Variants in CDH12 observed in about 807,000 individuals in gnomAD.
The protein encoded by CDH12 is cadherin 12.
In CDH12, 41 loss-of-function variants were observed where a neutral mutation model predicts 74.1. The ratio of observed to expected loss-of-function variants is 0.55; its 90% confidence interval spans 0.43 to 0.72. The LOEUF (loss-of-function observed/expected upper bound fraction) is 0.72. Among genes scored for constraint, CDH12 ranks in the 30% least tolerant of loss-of-function variants. The pLI is 0.00. For synonymous variants in CDH12, 399 were observed against 355.0 expected, an observed-to-expected ratio of 1.12 and a Z score of -1.39; for missense variants, 945 against 977.2, an observed-to-expected ratio of 0.97 and a Z score of 0.44.
chr5:22,434,410 T>A (rs1355407967), intron 2 of CDH12, among the ~76,000 whole-genome samples: 1 of 152,134 alleles, frequency 6.6e-6, no homozygotes, highest in East Asian at 1.9e-4. Flanking sequence ...TCCATTTCAA[T>A]TTTTTCTTGT....
chr5:22,256,067 A>G (rs541485678), intron 3 of CDH12, among the ~76,000 whole-genome samples: 1 of 152,276 alleles, frequency 6.6e-6, no homozygotes, highest in South Asian at 2.1e-4. Flanking sequence ...CAACATATAT[A>G]TGAGGAAACT....
intron 4 of CDH12, among the ~76,000 whole-genome samples, chr5:22,115,831 A>T (rs6452054): frequency 6.6e-6 from 1 of 151,332 alleles, no homozygotes; most frequent in African/African-American, 2.4e-5. Context: ...AGCTGGGACT[A>T]CAGGCACATG....
At chr5:21,888,615 A>G (rs1047477022) in intron 6 of CDH12, among the ~76,000 whole-genome samples, 2 of 152,068 alleles carry the variant, frequency 1.3e-5, no homozygotes, top group African/African-American at 4.8e-5. Context: ...GAAGTAACAT[A>G]TCTTCATAGA....
chr5:21,952,833 T>C (rs1250680917), intron 6 of CDH12, among the ~76,000 whole-genome samples: 2 of 151,168 alleles, frequency 1.3e-5, no homozygotes, highest in East Asian at 3.9e-4. Flanking sequence ...TTTACATGGG[T>C]TTTTTATTAA....
chr5:21,901,243 T>C (rs1439684986), intron 6 of CDH12, among the ~76,000 whole-genome samples: 1 of 152,166 alleles, frequency 6.6e-6, no homozygotes, highest in Non-Finnish European at 1.5e-5. Context: ...CATGTTTTTG[T>C]ATGCCTAGAA....
intron 1 of CDH12, among the ~76,000 whole-genome samples, chr5:22,587,829 G>A (rs1740484644): frequency 1.3e-5 from 2 of 150,406 alleles, no homozygotes; most frequent in South Asian, 4.2e-4. Flanking sequence ...GCATTTTATA[G>A]AGAACTTTTT....
At chr5:22,524,368 A>T (rs1737178502) in intron 1 of CDH12, among the ~76,000 whole-genome samples, 1 of 152,064 alleles carries the variant, frequency 6.6e-6, no homozygotes, top group South Asian at 2.1e-4. Flanking sequence ...GACTGCTTTT[A>T]TTTAATTCCC....
chr5:22,820,011 A>C (rs910161346), intron 1 of CDH12, among the ~76,000 whole-genome samples: 33 of 147,020 alleles, frequency 2.2e-4, no homozygotes, highest in Non-Finnish European at 1.2e-4. Context: ...ATACATATAC[A>C]TATATATACA....
At chr5:22,082,394 AC>A (rs1169834038) in intron 4 of CDH12, among the ~76,000 whole-genome samples, 5 of 152,100 alleles carry the variant, frequency 3.3e-5, no homozygotes, top group Admixed American at 3.3e-4. Context: ...AGCACTCGAT[AC>A]TGTGACAGTC....
In CDH12 at chr5:21,975,287, G is replaced by A. The variant is rs1757016352; in HGVS notation, c.330C>T (p.Asp110=). The A allele has an allele frequency of 6.3e-7, 1 of 1,596,820 alleles. No individual in the cohort carries two copies. Among genetic ancestry groups the A allele is most frequent in the Non-Finnish European group, 8.5e-7 (1 of 1,179,302 alleles). ...TATCTAGGCTCCTTATTGCATGAATGTCCCCTGTGGTTTCATCAATGGTAA... is the reference window on the plus strand; with the variant it reads ...TATCTAGGCTCCTTATTGCATGAATATCCCCTGTGGTTTCATCAATGGTAA... ...TVFTIDETTG[D]IHAIRSLDRE... is the part of the protein sequence containing the mutation. Residue 110 remains aspartate, a synonymous_variant, in exon 6 of 15, where the codon GAC becomes GAT. Transcript: ENST00000382254.
At chr5:21,994,459 C>T (rs1736152612) in intron 5 of CDH12, among the ~76,000 whole-genome samples, 1 of 152,108 alleles carries the variant, frequency 6.6e-6, no homozygotes. Context: ...CAATATTCGG[C>T]CTAAGTGACC....
At chr5:22,085,884 T>C (rs889564770) in intron 4 of CDH12, among the ~76,000 whole-genome samples, 1 of 152,196 alleles carries the variant, frequency 6.6e-6, no homozygotes, top group African/African-American at 2.4e-5. Flanking sequence ...TTTAAAGACT[T>C]CAAGCAAATC....
intron 12 of CDH12, among the ~76,000 whole-genome samples, chr5:21,762,755 A>T (rs1462662855): frequency 1.3e-5 from 2 of 152,150 alleles, no homozygotes; most frequent in East Asian, 3.8e-4. Context: ...TTATTGGACA[A>T]ACATAAAACA....
At chr5:21,794,705 T>A (rs1205540562) in intron 10 of CDH12, among the ~76,000 whole-genome samples, 2 of 151,766 alleles carry the variant, frequency 1.3e-5, no homozygotes, top group Non-Finnish European at 3.0e-5. Flanking sequence ...TTATAATATA[T>A]TTTTTAGAGG....
intron 11 of CDH12, 32 bp downstream of exon 11, chr5:21,783,326 T>C (rs369257827): frequency 1.7e-5 from 27 of 1,595,750 alleles, no homozygotes; most frequent in East Asian, 4.5e-5. Flanking sequence ...AGAACTGCAG[T>C]ATAACATTGA....
At chr5:22,775,791 TCC>T (rs2126327542) in intron 1 of CDH12, among the ~76,000 whole-genome samples, 1 of 152,218 alleles carries the variant, frequency 6.6e-6, no homozygotes, top group South Asian at 2.1e-4. Context: ...TTTGACTGTG[TCC>T]CCGCCCAGCT....
chr5:21,832,835 A>C (rs1313241322), intron 8 of CDH12, among the ~76,000 whole-genome samples: 1 of 106,212 alleles, frequency 9.4e-6, no homozygotes, highest in Non-Finnish European at 1.9e-5. Context: ...TATTATAATA[A>C]TATAAATCAT....
At chr5:22,101,385 C>A (rs1041073478) in intron 4 of CDH12, among the ~76,000 whole-genome samples, 1 of 152,168 alleles carries the variant, frequency 6.6e-6, no homozygotes, top group Non-Finnish European at 1.5e-5. Context: ...ATATTTGCAA[C>A]ATTATAGAAC....
intron 2 of CDH12, among the ~76,000 whole-genome samples, chr5:22,479,856 C>T (rs577925383): frequency 6.6e-6 from 1 of 152,212 alleles, no homozygotes; most frequent in South Asian, 2.1e-4. Flanking sequence ...TAAAAGAGAA[C>T]TAAAATGAAG....
Sources: gnomAD v4.1 joint callset for allele counts (sites outside exome capture counted in the v4.1 genomes callset) on GRCh38, gnomAD v4.1.1 for gene constraint, MANE v1.5 for transcripts, NCBI Gene and HGNC (gene_info 2026-07-23, HGNC 2026-07-21) for gene names.